GAS7: variants seen among roughly 807,000 people sequenced by gnomAD.
GAS7 encodes growth arrest-specific protein 7.
In GAS7, 28 loss-of-function variants were observed where a neutral mutation model predicts 71.1. That is an observed-to-expected ratio of 0.39 (90% CI 0.29 to 0.54). GAS7 has a LOEUF of 0.54. GAS7 is among the 20% of genes least tolerant of loss of function. GAS7 has a pLI of 0.62. For missense variants in GAS7, 436 were observed against 627.8 expected (o/e 0.69, Z 3.27); for synonymous variants, 258 against 245.8 (o/e 1.05, Z -0.46).
chr17:10,138,109 C>T (rs1342352949), intron 1 of GAS7, among the ~76,000 whole-genome samples: 4 of 151,812 alleles, frequency 2.6e-5, no homozygotes, highest in African/African-American at 9.7e-5. Context: ...ACTACAGGCG[C>T]CCACCACAGC....
At chr17:10,006,752 T>G (rs2071551851) in intron 2 of GAS7, among the ~76,000 whole-genome samples, 1 of 152,170 alleles carries the variant, frequency 6.6e-6, no homozygotes, top group South Asian at 2.1e-4. Context: ...GCTTTGAAAT[T>G]ATAAGACCTG....
At chr17:10,092,920 C>T (rs894281722) in intron 1 of GAS7, among the ~76,000 whole-genome samples, 1 of 152,148 alleles carries the variant, frequency 6.6e-6, no homozygotes, top group African/African-American at 2.4e-5. Context: ...AGGACCCACC[C>T]AGATAATCCA....
At chr17:10,008,767 GCTCTCT>G (rs531212566) in intron 2 of GAS7, among the ~76,000 whole-genome samples, 1 of 149,192 alleles carries the variant, frequency 6.7e-6, no homozygotes, top group African/African-American at 2.4e-5. Flanking sequence ...TTAGGCTGGC[GCTCTCT>G]CTCTCTCTCT....
At chr17:10,086,702 G>T (rs1392696445) in intron 1 of GAS7, among the ~76,000 whole-genome samples, 1 of 152,248 alleles carries the variant, frequency 6.6e-6, no homozygotes, top group Non-Finnish European at 1.5e-5. Flanking sequence ...GTGGCATGTG[G>T]AAGAAATAAT....
chr17:10,189,138 G>A (rs1045690214), intron 1 of GAS7, among the ~76,000 whole-genome samples: 8 of 152,064 alleles, frequency 5.3e-5, no homozygotes, highest in Non-Finnish European at 1.2e-4. Context: ...ATAAAGGATG[G>A]ACAGATGGGG....
chr17:10,046,843 AGG>A lies in GAS7; in HGVS notation c.184-26948_184-26947del, dbSNP rs1491571293. 3.3e-3 allele frequency among the ~76,000 whole-genome samples: 423 copies of A among 128,294 alleles called. 2 individuals are homozygous for A. Among genetic ancestry groups the A allele is most frequent in the East Asian group, 0.01 (46 of 4,542 alleles). The allele number at this position is 128,294 out of a possible 152,430, so 84.2% of individuals were successfully genotyped here. ...AAGGAAGGAAGGAAGGAAGGAAGGA[AGG>A]AAAGAAAAGAAAAGAAAAAAGAAAA... is the stretch of plus-strand genomic sequence containing the variant. On this transcript the variant is annotated intron_variant, in intron 1 of 13. Transcript: ENST00000432992.
Position 10,042,554 on chromosome 17 carries a change from C to T in GAS7, c.184-22657G>A, listed in dbSNP as rs558491932. ...TGCAGGCAGGTATTGTATGTAGGACCTGACTCCTAAAATTCGGAAGCTAAG... is the reference window on the plus strand; with the variant it reads ...TGCAGGCAGGTATTGTATGTAGGACTTGACTCCTAAAATTCGGAAGCTAAG... On this transcript the variant is annotated intron_variant, in intron 1 of 13. Transcript: ENST00000432992. 2.3e-4 allele frequency among the ~76,000 whole-genome samples: 35 copies of T among 152,216 alleles called. No individual in the cohort carries two copies. In the South Asian group the frequency reaches 6.2e-3, roughly 27 times the overall value.
chr17:9,953,336 G>C (rs1035171704), intron 5 of GAS7, among the ~76,000 whole-genome samples: 2 of 152,142 alleles, frequency 1.3e-5, no homozygotes, highest in African/African-American at 4.8e-5. Flanking sequence ...ACTCCTTGAG[G>C]ATACCAGTCC....
chr17:10,113,513 G>T (rs574952296), intron 1 of GAS7, among the ~76,000 whole-genome samples: 1 of 152,298 alleles, frequency 6.6e-6, no homozygotes, highest in South Asian at 2.1e-4. Flanking sequence ...TAAACTCCAA[G>T]ATATGTTATA....
intron 1 of GAS7, among the ~76,000 whole-genome samples, chr17:10,159,587 C>T (rs1236033348): frequency 6.6e-6 from 1 of 152,060 alleles, no homozygotes; most frequent in Non-Finnish European, 1.5e-5. Flanking sequence ...TCTCTATGCT[C>T]AGTTTATGTA....
intron 1 of GAS7, among the ~76,000 whole-genome samples, chr17:10,052,133 G>A (rs1298769742): frequency 6.6e-6 from 1 of 151,950 alleles, no homozygotes; most frequent in Non-Finnish European, 1.5e-5. Context: ...TACAATCATA[G>A]AAAGCTGATG....
At position 9,913,515 on chromosome 17, in the gene GAS7, C is replaced by A. The variant is rs970935849; in HGVS notation, c.*3713G>T. ...TCATCTAGTAATTGATTGGTTTTCA[C>A]AAAGGGTAGGGAAAGAAACCCCTGG... On this transcript the variant is annotated 3_prime_UTR_variant, in exon 14 of 14. Coordinates refer to ENST00000432992, the MANE Select transcript of GAS7 (RefSeq NM_201433.2). 9.9e-5 allele frequency: 23 copies of A among 232,170 alleles called. No individual in the cohort carries two copies. In the East Asian group the frequency reaches 1.2e-3, roughly 12 times the overall value. The allele number at this position is 232,170 out of a possible 1,614,324, so 14.4% of individuals were successfully genotyped here.
At chr17:10,079,341 T>C (rs1378787687) in intron 1 of GAS7, among the ~76,000 whole-genome samples, 1 of 152,222 alleles carries the variant, frequency 6.6e-6, no homozygotes, top group Non-Finnish European at 1.5e-5. Context: ...TTGGCCAGGA[T>C]ACTCTAAAGT....
chr17:9,912,895 C>A lies in GAS7; in HGVS notation c.*4333G>T, dbSNP rs750373268. 1 of 232,902 alleles carries A rather than the reference C, an allele frequency of 4.3e-6. No individual in the cohort carries two copies. Among genetic ancestry groups the A allele is most frequent in the African/African-American group, 2.2e-5 (1 of 45,316 alleles). 14.4% of individuals were successfully genotyped at this position (232,902 alleles called of 1,614,324 possible). The stretch of plus-strand genomic sequence containing the variant: ...TTCCCGGCAAGGAGAAGGAACAAAC[C>A]ACACGCACACATCATGAATGACTCA... On this transcript the variant is annotated 3_prime_UTR_variant, in exon 14 of 14. Coordinates refer to ENST00000432992, the MANE Select transcript of GAS7 (RefSeq NM_201433.2).
intron 4 of GAS7, among the ~76,000 whole-genome samples, chr17:9,965,867 G>A (rs990127946): frequency 1.3e-5 from 2 of 152,062 alleles, no homozygotes; most frequent in Non-Finnish European, 1.5e-5. Flanking sequence ...TGAAGGAGCG[G>A]GGCAGGCACC....
chr17:10,005,708 A>C (rs1290955855), intron 2 of GAS7, among the ~76,000 whole-genome samples: 2 of 152,166 alleles, frequency 1.3e-5, no homozygotes, highest in Non-Finnish European at 2.9e-5. Context: ...TTCTGTTGAC[A>C]GTCTCTAGTC....
intron 1 of GAS7, among the ~76,000 whole-genome samples, chr17:10,170,445 G>A (rs2074327716): frequency 6.6e-6 from 1 of 152,096 alleles, no homozygotes; most frequent in African/African-American, 2.4e-5. Flanking sequence ...TCTGGCCTCA[G>A]GGCCTTTGCA....
intron 1 of GAS7, among the ~76,000 whole-genome samples, chr17:10,120,920 C>T (rs1255462323): frequency 6.6e-6 from 1 of 152,326 alleles, no homozygotes; most frequent in African/African-American, 2.4e-5. Context: ...CCTTCCTTCA[C>T]AACTGCCACA....
intron 1 of GAS7, among the ~76,000 whole-genome samples, chr17:10,130,404 T>C (rs1403133089): frequency 6.7e-6 from 1 of 149,994 alleles, no homozygotes; most frequent in African/African-American, 2.5e-5. Context: ...CCTCATACGA[T>C]CCTGGTGGTA....
Sources: allele counts gnomAD v4.1 joint callset (sites outside exome capture counted in the v4.1 genomes callset), GRCh38; gene constraint gnomAD v4.1.1; transcripts MANE v1.5; gene names NCBI Gene and HGNC (gene_info 2026-07-23, HGNC 2026-07-21).